The following HPCAL1 variants were observed in gnomAD, a reference collection of about 807,000 sequenced individuals.
HPCAL1 encodes the protein hippocalcin-like protein 1.
HPCAL1 carries 8 observed loss-of-function variants against 17.1 expected under a neutral mutation model. The observed-to-expected ratio is 0.47, with a 90% CI of 0.27 to 0.84. The LOEUF (loss-of-function observed/expected upper bound fraction) is 0.84. Among genes scored for constraint, HPCAL1 ranks in the 40% least tolerant of loss-of-function variants. The probability of loss-of-function intolerance (pLI) is 0.13; values close to 1 mark genes in which losing one functional copy is unlikely to be tolerated. For synonymous variants in HPCAL1, 112 were observed against 111.4 expected (o/e 1.01, Z -0.03); for missense variants, 165 against 271.1 (o/e 0.61, Z 2.75).
rs914981246 is a variant in HPCAL1 at position 10,427,583 on chromosome 2, G to A, written c.*762G>A. The stretch of plus-strand genomic sequence containing the variant: ...CCCTGTTGATTGGTCTGGCATTTCC[G>A]GTATTAAAATGATAAAATAAATGGC... On this transcript the variant is annotated 3_prime_UTR_variant, in exon 5 of 5. Coordinates refer to ENST00000307845, the MANE Select transcript of HPCAL1 (RefSeq NM_002149.4). 1 of 152,194 alleles carries A rather than the reference G, an allele frequency of 6.6e-6. No individual in the cohort carries two copies. The highest frequency in any genetic ancestry group is 2.4e-5 in the African/African-American group (1 of 41,416). 9.4% of individuals were successfully genotyped at this position (152,194 alleles called of 1,614,324 possible).
chr2:10,317,417 ATT>A lies in HPCAL1; in HGVS notation c.-111+14257_-111+14258del, dbSNP rs33931208. On this transcript the variant is annotated intron_variant, in intron 1 of 4. Coordinates refer to ENST00000307845, the MANE Select transcript of HPCAL1 (RefSeq NM_002149.4). ...GATTACCCCTTAAAATAATTCAACA[ATT>A]TTTTTTTTTTTTTTTTGAGACAGGG... 4.6e-3 allele frequency among the ~76,000 whole-genome samples: 608 copies of A among 131,430 alleles called. 1 individual carries two copies. The highest frequency in any genetic ancestry group is 9.4e-3 in the African/African-American group (332 of 35,254). 86.2% of individuals were successfully genotyped at this position (131,430 alleles called of 152,430 possible).
At chr2:10,380,114 T>C (rs6432094) in intron 1 of HPCAL1, among the ~76,000 whole-genome samples, 94,792 of 152,060 alleles carry the variant, frequency 0.62, 30,801 homozygotes, top group East Asian at 0.81. Context: ...GCAGACTGAG[T>C]GTGTTGTGCA....
In HPCAL1 at chr2:10,400,291, G is replaced by A. The variant is rs182217510; in HGVS notation, c.-25+3371G>A. On this transcript the variant is annotated intron_variant, in intron 2 of 4. Transcript: ENST00000307845. ...GGAAGACAGGTGCGAGCAGCATCTC[G>A]GCACAGCCAGACCCCCACCATACGG... Among the ~76,000 whole-genome samples, 193 of 152,320 alleles carry A rather than the reference G, an allele frequency of 1.3e-3. 1 individual carries two copies. Among genetic ancestry groups the A allele is most frequent in the Non-Finnish European group, 2.2e-3 (151 of 68,024 alleles).
chr2:10,398,634 C>T (rs1380199263), intron 2 of HPCAL1, among the ~76,000 whole-genome samples: 5 of 152,228 alleles, frequency 3.3e-5, no homozygotes, highest in South Asian at 4.1e-4. Context: ...AACGCACGCA[C>T]GTGGTGTTTC....
At chr2:10,355,835 G>A (rs1666122272) in intron 1 of HPCAL1, among the ~76,000 whole-genome samples, 1 of 152,080 alleles carries the variant, frequency 6.6e-6, no homozygotes, top group Non-Finnish European at 1.5e-5. Context: ...TCTGAGTAGG[G>A]GACGCACAGG....
chr2:10,345,464 C>CT (rs60570271), intron 1 of HPCAL1, among the ~76,000 whole-genome samples: 142,983 of 144,908 alleles, frequency 0.99, 70,542 homozygotes, highest in African/African-American at 0.99. Flanking sequence ...CCTAGAAAAA[C>CT]TTTTTTTTTT....
chr2:10,347,345 G>A (rs1313923550), intron 1 of HPCAL1, among the ~76,000 whole-genome samples: 1 of 152,156 alleles, frequency 6.6e-6, no homozygotes, highest in Non-Finnish European at 1.5e-5. Context: ...CTTCAGGGAA[G>A]GCCCATGTGC....
chr2:10,379,782 T>G (rs983481205), intron 1 of HPCAL1, among the ~76,000 whole-genome samples: 2 of 152,180 alleles, frequency 1.3e-5, no homozygotes, highest in Non-Finnish European at 2.9e-5. Context: ...GGCTTTGCAC[T>G]CTGGTTTAAG....
intron 1 of HPCAL1, among the ~76,000 whole-genome samples, chr2:10,312,561 A>G (rs1248289696): frequency 4.0e-5 from 6 of 149,954 alleles, no homozygotes; most frequent in Non-Finnish European, 7.4e-5. Context: ...CATCACTGTC[A>G]TCCCCATCCT....
At chr2:10,336,187 T>TTC (rs1664712805) in intron 1 of HPCAL1, among the ~76,000 whole-genome samples, 1 of 141,234 alleles carries the variant, frequency 7.1e-6, no homozygotes, top group African/African-American at 2.8e-5. Context: ...TAATTGCATG[T>TTC]GCGTATCCTC....
At chr2:10,380,967 A>G (rs952384686) in intron 1 of HPCAL1, among the ~76,000 whole-genome samples, 1 of 152,216 alleles carries the variant, frequency 6.6e-6, no homozygotes, top group Non-Finnish European at 1.5e-5. Flanking sequence ...TGAGACTTCT[A>G]TTCCAGCTTG....
intron 2 of HPCAL1, among the ~76,000 whole-genome samples, chr2:10,409,053 AAGAG>A (rs1353271151): frequency 3.9e-5 from 6 of 152,248 alleles, no homozygotes; most frequent in African/African-American, 1.2e-4. Context: ...GTAATCAAGA[AAGAG>A]AAAGTATTAA....
At chr2:10,379,055 C>T (rs191448694) in intron 1 of HPCAL1, among the ~76,000 whole-genome samples, 17 of 152,114 alleles carry the variant, frequency 1.1e-4, no homozygotes, top group East Asian at 1.9e-4. Flanking sequence ...CGGTCGGGTG[C>T]GGTCGCTCCT....
chr2:10,386,889 T>C (rs1259419075), intron 1 of HPCAL1, among the ~76,000 whole-genome samples: 1 of 152,200 alleles, frequency 6.6e-6, no homozygotes, highest in Non-Finnish European at 1.5e-5. Context: ...CTGGGGCTGC[T>C]TTCCTCCCTC....
intron 1 of HPCAL1, among the ~76,000 whole-genome samples, chr2:10,381,776 A>G (rs1572766650): frequency 6.6e-6 from 1 of 152,252 alleles, no homozygotes; most frequent in African/African-American, 2.4e-5. Context: ...ACCAAATGCG[A>G]GGGAGGATGT....
intron 1 of HPCAL1, among the ~76,000 whole-genome samples, chr2:10,374,826 G>A (rs1305896359): frequency 6.6e-6 from 1 of 152,216 alleles, no homozygotes; most frequent in African/African-American, 2.4e-5. Flanking sequence ...GATTGTTGTT[G>A]GCTGATGTTG....
chr2:10,400,204 G>A (rs4668684), intron 2 of HPCAL1, among the ~76,000 whole-genome samples: 65,924 of 151,914 alleles, frequency 0.43, 14,632 homozygotes, highest in East Asian at 0.6. Context: ...CGAGCAGGCG[G>A]CTCAGCCAGG....
Position 10,420,124 on chromosome 2 carries a change from G to C in HPCAL1, c.367G>C (p.Glu123Gln). ...NGYISRSEML[E>Q]IVQAIYKMVS... ...CTACATCAGCCGCAGCGAGATGCTGGAGATCGTGCAGGTACCGGCGCCCGA... is the reference window on the plus strand; with the variant it reads ...CTACATCAGCCGCAGCGAGATGCTGCAGATCGTGCAGGTACCGGCGCCCGA... Residue 123 changes from glutamate to glutamine, a missense_variant, in exon 3 of 5, where the codon GAG (glutamate) becomes CAG (glutamine). Glu to Gln is a conservative substitution (Grantham distance 29). Coordinates refer to ENST00000307845, the MANE Select transcript of HPCAL1 (RefSeq NM_002149.4). The C allele has an allele frequency of 1.9e-6, 3 of 1,610,370 alleles. No individual in the cohort carries two copies. The highest frequency in any genetic ancestry group is 2.5e-6 in the Non-Finnish European group (3 of 1,177,762).
intron 1 of HPCAL1, among the ~76,000 whole-genome samples, chr2:10,306,112 G>A (rs1300161838): frequency 3.3e-5 from 5 of 152,114 alleles, no homozygotes; most frequent in Admixed American, 6.5e-5. Flanking sequence ...GGGTACTAAC[G>A]GGGGCCCCGG....
Sources: allele counts gnomAD v4.1 joint callset (sites outside exome capture counted in the v4.1 genomes callset), GRCh38; gene constraint gnomAD v4.1.1; transcripts MANE v1.5; gene names NCBI Gene and HGNC (gene_info 2026-07-23, HGNC 2026-07-21).